Variants in APC observed in about 807,000 individuals in gnomAD.
The protein encoded by APC is APC regulator of Wnt signaling pathway.
A neutral mutation model predicts 247.0 loss-of-function variants in APC; 72 were observed. The observed-to-expected ratio is 0.29, with a 90% CI of 0.24 to 0.35. The LOEUF is 0.35. Among genes scored for constraint, APC ranks in the 10% least tolerant of loss-of-function variants. APC has a pLI of 1.00. For missense variants in APC, 3,400 were observed against 3,360.7 expected, an observed-to-expected ratio of 1.01 and a Z score of -0.29; for synonymous variants, 1,254 against 1,162.5, an observed-to-expected ratio of 1.08 and a Z score of -1.60.
rs112033530 is a variant in APC, at chr5:112,774,736, C to T, written c.423-893C>T. Among the ~76,000 whole-genome samples, 760 of 152,142 alleles carry T rather than the reference C, an allele frequency of 5.0e-3. 8 individuals carry two copies. The highest frequency in any genetic ancestry group is 0.018 in the African/African-American group (727 of 41,496). On this transcript the variant is annotated intron_variant, in intron 4 of 15. Coordinates refer to ENST00000257430, the MANE Select transcript of APC (RefSeq NM_000038.6). ...AAGTGATCCACCTGCCTCGGCTTCC[C>T]TAAGTATTGGCATTACAGGCATGTG...
chr5:112,781,673 T>C (rs1017580909), intron 6 of APC, among the ~76,000 whole-genome samples: 38 of 152,290 alleles, frequency 2.5e-4, no homozygotes, highest in African/African-American at 5.8e-4. Context: ...ATAAAACATA[T>C]TAAATAGTTT....
At chr5:112,793,570 T>A (rs1759883768) in intron 7 of APC, among the ~76,000 whole-genome samples, 1 of 152,138 alleles carries the variant, frequency 6.6e-6, no homozygotes, top group African/African-American at 2.4e-5. Context: ...CAAAATCCAT[T>A]CTTCAGGCAT....
intron 5 of APC, among the ~76,000 whole-genome samples, chr5:112,776,199 G>C (rs1757628961): frequency 6.6e-6 from 1 of 152,282 alleles, no homozygotes; most frequent in Middle Eastern, 3.4e-3. Context: ...ATTTTTGCAA[G>C]CACTAAAGCT....
chr5:112,736,917 C>T (rs1752426219), upstream of APC, among the ~76,000 whole-genome samples: 1 of 152,164 alleles, frequency 6.6e-6, no homozygotes, highest in Admixed American at 6.5e-5. Flanking sequence ...TCTCAAAAAA[C>T]AAACAAAGAA....
chr5:112,719,436 T>C (rs1304174080), intron 1 of APC, among the ~76,000 whole-genome samples: 1 of 151,894 alleles, frequency 6.6e-6, no homozygotes, highest in Admixed American at 6.6e-5. Context: ...TTGGCCAGGC[T>C]TGTCTGGAAC....
intron 4 of APC, among the ~76,000 whole-genome samples, chr5:112,770,182 G>A (rs1239037164): frequency 6.6e-6 from 1 of 152,160 alleles, no homozygotes; most frequent in Non-Finnish European, 1.5e-5. Context: ...ACAGCTGTAA[G>A]TGGTAAGGAA....
intron 9 of APC, among the ~76,000 whole-genome samples, chr5:112,816,677 C>T (rs1352835522): frequency 6.6e-6 from 1 of 151,514 alleles, no homozygotes. Context: ...GCTGTAATCC[C>T]AGCTACTCGG....
rs1750606277 is a variant in APC, at chr5:112,707,764, C to G, written c.47C>G (p.Ser16Cys). 5 of 1,370,686 alleles carry G rather than the reference C, an allele frequency of 3.6e-6. No individual in the cohort carries two copies. The highest frequency in any genetic ancestry group is 4.8e-6 in the Non-Finnish European group (5 of 1,038,800). The allele number at this position is 1,370,686 out of a possible 1,614,324, so 84.9% of individuals were successfully genotyped here. Residue 16 changes from serine (S) to cysteine (C), a missense_variant, in exon 1 of 14, where the codon TCT (serine) becomes TGT (cysteine). Coordinates refer to the APC transcript ENST00000507379. ...GGTCCGGTCGCCCCTTTGCCCGCTT[C>G]TGTACCACCCTCAGTTCTCGGGTCC...
At chr5:112,735,429 C>T (rs1436713886), upstream of APC, among the ~76,000 whole-genome samples, 11 of 151,916 alleles carry the variant, frequency 7.2e-5, no homozygotes, top group African/African-American at 2.4e-4. Context: ...CTGGCCACCT[C>T]GGCCTCCCAA....
intron 2 of APC, among the ~76,000 whole-genome samples, chr5:112,763,549 A>T (rs1272497105): frequency 1.3e-5 from 2 of 152,006 alleles, no homozygotes; most frequent in Admixed American, 6.6e-5. Context: ...ATTTCTTTTT[A>T]AAAAGACCAT....
intron 11 of APC, among the ~76,000 whole-genome samples, chr5:112,824,089 T>G (rs1314917833): frequency 6.6e-6 from 1 of 152,244 alleles, no homozygotes. Context: ...CTTTTGTTCA[T>G]AAGAGTCTAA....
At chr5:112,710,775 G>A (rs1049141323) in intron 1 of APC, among the ~76,000 whole-genome samples, 15 of 152,180 alleles carry the variant, frequency 9.9e-5, no homozygotes, top group African/African-American at 3.6e-4. Flanking sequence ...AACCACTTTA[G>A]TAGCTGTGTA....
intron 4 of APC, among the ~76,000 whole-genome samples, chr5:112,772,503 T>C (rs369489203): frequency 2.2e-4 from 33 of 151,970 alleles, no homozygotes; most frequent in African/African-American, 6.8e-4. Flanking sequence ...TTAAGCACTT[T>C]TAATGCCCAG....
intron 1 of APC, among the ~76,000 whole-genome samples, chr5:112,710,803 A>C (rs573962778): frequency 6.6e-5 from 10 of 152,210 alleles, no homozygotes; most frequent in Non-Finnish European, 1.2e-4. Flanking sequence ...GTATGTTACT[A>C]TTCAGATTTC....
intron 2 of APC, among the ~76,000 whole-genome samples, chr5:112,758,413 G>A (rs1440066527): frequency 6.6e-5 from 10 of 152,084 alleles, no homozygotes; most frequent in Non-Finnish European, 1.0e-4. Context: ...TGCAGCCTCC[G>A]CCTCCCGGGT....
rs1354598811 is a variant in APC, at chr5:112,797,879, A to G, written c.730-3400A>G. 2.6e-5 allele frequency among the ~76,000 whole-genome samples: 4 copies of G among 152,328 alleles called. No homozygotes were observed. The East Asian group carries it at 7.7e-4, about 29-fold the overall frequency. On this transcript the variant is annotated intron_variant, in intron 7 of 15. Coordinates refer to ENST00000257430, the MANE Select transcript of APC (RefSeq NM_000038.6). ...GGAAATGCAAATCAAAGCCCAAGTG[A>G]GATACTGCTTCACACCCATTATGAT...
chr5:112,720,631 G>A (rs1011424071), intron 1 of APC, among the ~76,000 whole-genome samples: 2 of 152,220 alleles, frequency 1.3e-5, no homozygotes, highest in African/African-American at 2.4e-5. Context: ...GAAGTAGGTC[G>A]TCAGCAAAGA....
intron 1 of APC, among the ~76,000 whole-genome samples, chr5:112,710,244 G>A (rs1394570194): frequency 6.6e-6 from 1 of 152,098 alleles, no homozygotes; most frequent in Non-Finnish European, 1.5e-5. Flanking sequence ...TATGCCAGTT[G>A]GTGCTCTCTG....
chr5:112,843,720 G>T lies in APC; in HGVS notation c.8126G>T (p.Gly2709Val), dbSNP rs1766652865. Reference protein sequence around the residue: ...DNQAKQNVGNGSVPMRTVGLE... With the variant: ...DNQAKQNVGNVSVPMRTVGLE... The stretch of plus-strand genomic sequence containing the variant: ...CAGGCAAAACAAAATGTGGGTAATG[G>T]CAGTGTTCCCATGCGTACCGTGGGT... Residue 2709 changes from glycine to valine, a missense_variant, in exon 16 of 16, where the codon GGC becomes GTC. This residue lies in a region of APC where 1,788 missense variants were observed against 1,649.5 expected (regional missense o/e 1.08). Transcript: ENST00000257430. The surrounding 1 kb of genome is among the most constrained non-coding windows in gnomAD (Gnocchi z 4.8). 1.2e-6 allele frequency: 2 copies of T among 1,614,062 alleles called. No homozygotes were observed. Among genetic ancestry groups the T allele is most frequent in the African/African-American group, 2.7e-5 (2 of 75,018 alleles).
Sources: gnomAD v4.1 joint callset for allele counts (sites outside exome capture counted in the v4.1 genomes callset) on GRCh38, gnomAD v4.1.1 for gene constraint, gnomAD v4.1.1 regional missense constraint, Gnocchi (gnomAD v3.1) non-coding constraint, MANE v1.5 for transcripts, NCBI Gene and HGNC (gene_info 2026-07-23, HGNC 2026-07-21) for gene names.